Variants in MRTFA observed in about 807,000 individuals in gnomAD.
MRTFA encodes myocardin-related transcription factor A.
In MRTFA, 20 loss-of-function variants were observed where a neutral mutation model predicts 83.5. The observed-to-expected ratio is 0.24, with a 90% confidence interval of 0.17 to 0.35. The LOEUF (loss-of-function observed/expected upper bound fraction) is 0.35. MRTFA is among the 10% of genes least tolerant of loss of function. The pLI, the probability that MRTFA is intolerant of heterozygous loss-of-function variation, is 1.00. For synonymous variants in MRTFA, 659 were observed against 541.2 expected (o/e 1.22, Z -3.02); for missense variants, 1,200 against 1,224.7 (o/e 0.98, Z 0.30).
intron 11 of MRTFA, 37 bp from the exon 12 acceptor site, chr22:40,419,421 G>C: frequency 1.3e-6 from 2 of 1,594,412 alleles, no homozygotes; most frequent in South Asian, 1.1e-5. Flanking sequence ...GCCAGGGGCA[G>C]CTGGACACAG....
chr22:40,465,228 C>A (rs1362249128), intron 3 of MRTFA, among the ~76,000 whole-genome samples: 1 of 152,206 alleles, frequency 6.6e-6, no homozygotes, highest in Non-Finnish European at 1.5e-5. Flanking sequence ...ACTTCTCCTA[C>A]CAGTTTATAA....
chr22:40,435,175 G>C (rs1444797679), intron 5 of MRTFA, among the ~76,000 whole-genome samples: 2 of 152,182 alleles, frequency 1.3e-5, no homozygotes, highest in Non-Finnish European at 1.5e-5. Flanking sequence ...AATTAAAGAT[G>C]GGGAAATACC....
chr22:40,465,284 T>C (rs575762513), intron 3 of MRTFA, among the ~76,000 whole-genome samples: 1 of 152,196 alleles, frequency 6.6e-6, no homozygotes, highest in Non-Finnish European at 1.5e-5. Context: ...ATGTCCCCCA[T>C]AGCACTTAAT....
chr22:40,533,650 G>A, intron 3 of MRTFA: 2 of 1,227,138 alleles, frequency 1.6e-6, no homozygotes, highest in Non-Finnish European at 2.0e-6. Flanking sequence ...GATTCTTCCA[G>A]AAACAAAAAT....
intron 4 of MRTFA, among the ~76,000 whole-genome samples, chr22:40,446,541 G>A (rs1274794638): frequency 6.6e-6 from 1 of 152,180 alleles, no homozygotes; most frequent in African/African-American, 2.4e-5. Flanking sequence ...AGAGGCAGGA[G>A]GGGAGGAGGC....
intron 3 of MRTFA, among the ~76,000 whole-genome samples, chr22:40,474,500 T>C (rs2053961590): frequency 6.6e-6 from 1 of 152,246 alleles, no homozygotes; most frequent in Non-Finnish European, 1.5e-5. Context: ...TACTCTCACT[T>C]GCTTGGATGC....
intron 14 of MRTFA, among the ~76,000 whole-genome samples, chr22:40,415,605 G>A (rs1398420222): frequency 6.6e-6 from 1 of 151,772 alleles, no homozygotes; most frequent in Non-Finnish European, 1.5e-5. Flanking sequence ...GCCTGCTGCC[G>A]CCAGTGAGCT....
rs1346268861 is a variant in MRTFA, at chr22:40,587,683, T to A, written c.-22+6991A>T. 5 of 325,232 alleles carry A rather than the reference T, an allele frequency of 1.5e-5. No homozygotes were observed. The Admixed American group carries it at 1.8e-4, about 12-fold the overall frequency. The allele number at this position is 325,232 out of a possible 1,614,324, so 20.1% of individuals were successfully genotyped here. A position where few individuals can be genotyped will look rare whatever the true frequency, so the allele number is the denominator to read the frequency against. ...CTCTACAGTGCCAACAGTGCCAGGT[T>A]TTGGTTGGTGCAAACATGTGGCCTC... is the stretch of plus-strand genomic sequence containing the variant. On this transcript the variant is annotated intron_variant, in intron 2 of 14. Coordinates refer to ENST00000355630, the MANE Select transcript of MRTFA (RefSeq NM_020831.6).
intron 7 of MRTFA, among the ~76,000 whole-genome samples, chr22:40,427,427 G>A (rs1174347098): frequency 6.6e-6 from 1 of 152,224 alleles, no homozygotes; most frequent in Middle Eastern, 3.4e-3. Context: ...GCATGCGTTG[G>A]GGGTCTGCTG....
intron 7 of MRTFA, chr22:40,429,235 C>G: frequency 3.4e-6 from 2 of 594,898 alleles, no homozygotes; most frequent in South Asian, 2.1e-5. Flanking sequence ...AGAGACTTCA[C>G]TAATAAAGAG....
intron 7 of MRTFA, 55 bp from the exon 8 acceptor site, chr22:40,424,436 AGG>A: frequency 6.3e-7 from 1 of 1,582,982 alleles, no homozygotes; most frequent in Non-Finnish European, 8.6e-7. Context: ...ACAGATGAGC[AGG>A]GACAGGCCTG....
intron 2 of MRTFA, among the ~76,000 whole-genome samples, chr22:40,554,108 T>C (rs2055484560): frequency 6.6e-6 from 1 of 152,206 alleles, no homozygotes; most frequent in South Asian, 2.1e-4. Context: ...CCCCCCATTG[T>C]ATCTAGGAAG....
chr22:40,610,764 T>C (rs1367147674), intron 1 of MRTFA, among the ~76,000 whole-genome samples: 2 of 151,706 alleles, frequency 1.3e-5, no homozygotes, highest in Non-Finnish European at 2.9e-5. Flanking sequence ...GCGCAACTAC[T>C]ACCCCAGTGA....
intron 3 of MRTFA, among the ~76,000 whole-genome samples, chr22:40,530,509 C>T (rs1206368656): frequency 6.6e-6 from 1 of 152,218 alleles, no homozygotes; most frequent in Admixed American, 6.5e-5. Flanking sequence ...GTTGGCCAGG[C>T]TTGTCTTGAA....
chr22:40,582,320 T>G (rs57513512), intron 2 of MRTFA, among the ~76,000 whole-genome samples: 1 of 152,268 alleles, frequency 6.6e-6, no homozygotes, highest in Admixed American at 6.5e-5. Flanking sequence ...ACTCATCAGC[T>G]GATGGGCATT....
chr22:40,434,380 T>TA (rs113759032), intron 5 of MRTFA, among the ~76,000 whole-genome samples: 7,860 of 133,004 alleles, frequency 0.059, 414 homozygotes, highest in African/African-American at 0.15. Context: ...AAAGAAAGTT[T>TA]AAAAAAAAAA....
At chr22:40,619,326 G>A (rs554479488) in intron 1 of MRTFA, among the ~76,000 whole-genome samples, 66 of 151,218 alleles carry the variant, frequency 4.4e-4, no homozygotes, top group African/African-American at 1.5e-3. Context: ...ACAGAATGTT[G>A]GTAAAAATAT....
At chr22:40,454,705 G>A (rs1475628373) in intron 4 of MRTFA, among the ~76,000 whole-genome samples, 3 of 152,302 alleles carry the variant, frequency 2.0e-5, no homozygotes, top group Non-Finnish European at 2.9e-5. Flanking sequence ...GTTCAGAAAA[G>A]TTACTGAGTT....
chr22:40,625,537 G>C (rs1205404276), intron 1 of MRTFA, among the ~76,000 whole-genome samples: 1 of 152,082 alleles, frequency 6.6e-6, no homozygotes, highest in African/African-American at 2.4e-5. Flanking sequence ...CATAACTTTG[G>C]GAGGCTGAGG....
Sources: allele counts gnomAD v4.1 joint callset (sites outside exome capture counted in the v4.1 genomes callset), GRCh38; gene constraint gnomAD v4.1.1; transcripts MANE v1.5; gene names NCBI Gene and HGNC (gene_info 2026-07-23, HGNC 2026-07-21).